Variants in KCNN2 observed in about 807,000 individuals in gnomAD.
KCNN2 encodes small conductance calcium-activated potassium channel protein 2.
A neutral mutation model predicts 55.5 loss-of-function variants in KCNN2; 24 were observed. The observed-to-expected ratio is 0.43, with a 90% CI of 0.31 to 0.61. KCNN2 has a LOEUF of 0.61. KCNN2 is among the 20% of genes least tolerant of loss of function. The probability of loss-of-function intolerance (pLI) is 0.08; values close to 1 mark genes in which losing one functional copy is unlikely to be tolerated. For missense variants in KCNN2, 754 were observed against 853.6 expected (o/e 0.88, Z 1.45); for synonymous variants, 431 against 336.1 (o/e 1.28, Z -3.09).
intron 2 of KCNN2, among the ~76,000 whole-genome samples, chr5:114,227,142 G>A (rs1475060459): frequency 6.6e-6 from 1 of 151,870 alleles, no homozygotes; most frequent in Non-Finnish European, 1.5e-5. Context: ...TATCTTACTT[G>A]GTTCACCTCT....
intron 2 of KCNN2, among the ~76,000 whole-genome samples, chr5:114,332,840 C>G (rs1756848216): frequency 6.6e-6 from 1 of 152,178 alleles, no homozygotes; most frequent in Non-Finnish European, 1.5e-5. Flanking sequence ...TAACTTTCCA[C>G]CTGCTTATTC....
chr5:114,406,858 A>G (rs1269284258), intron 3 of KCNN2, among the ~76,000 whole-genome samples: 1 of 151,946 alleles, frequency 6.6e-6, no homozygotes, highest in Non-Finnish European at 1.5e-5. Flanking sequence ...AAGGTAGTAT[A>G]TAAGAGAGAT....
At chr5:114,253,275 A>G (rs1448016580) in intron 2 of KCNN2, among the ~76,000 whole-genome samples, 1 of 151,958 alleles carries the variant, frequency 6.6e-6, no homozygotes, top group Non-Finnish European at 1.5e-5. Flanking sequence ...ATCTGAAGGG[A>G]GAGGAGGCTA....
intron 2 of KCNN2, among the ~76,000 whole-genome samples, chr5:114,304,397 C>G (rs1278690233): frequency 6.6e-6 from 1 of 152,158 alleles, no homozygotes; most frequent in Non-Finnish European, 1.5e-5. Flanking sequence ...GTGAATGTAC[C>G]ATTTTTGCAG....
chr5:114,281,607 C>T (rs536288922), intron 2 of KCNN2, among the ~76,000 whole-genome samples: 1 of 135,480 alleles, frequency 7.4e-6, no homozygotes, highest in South Asian at 2.6e-4. Context: ...CTCTCTCTCT[C>T]TCCCCGCCCC....
intron 1 of KCNN2, among the ~76,000 whole-genome samples, chr5:114,149,487 G>A (rs1752471451): frequency 2.0e-5 from 3 of 152,120 alleles, no homozygotes; most frequent in Non-Finnish European, 4.4e-5. Flanking sequence ...CTGCCTTCTG[G>A]TCCCGTGATG....
intron 3 of KCNN2, among the ~76,000 whole-genome samples, chr5:114,408,113 T>TCC (rs1758997477): frequency 6.6e-6 from 1 of 152,106 alleles, no homozygotes. Flanking sequence ...CATGTGCGGT[T>TCC]GCCTCTTGGT....
chr5:114,484,000 T>C (rs1297466479), intron 5 of KCNN2, among the ~76,000 whole-genome samples: 1 of 152,178 alleles, frequency 6.6e-6, no homozygotes, highest in East Asian at 1.9e-4. Flanking sequence ...GATGAAGCAA[T>C]AATTCATCCA....
chr5:114,409,551 A>G (rs982965172), intron 3 of KCNN2, among the ~76,000 whole-genome samples: 27 of 152,142 alleles, frequency 1.8e-4, no homozygotes, highest in Admixed American at 7.2e-4. Flanking sequence ...CATCCTCTCC[A>G]TGTAAAAAGG....
At chr5:114,230,267 C>CTT (rs11432521) in intron 2 of KCNN2, among the ~76,000 whole-genome samples, 56 of 142,116 alleles carry the variant, frequency 3.9e-4, no homozygotes, top group Middle Eastern at 3.7e-3. Flanking sequence ...TAGTGATATT[C>CTT]TTTTTTTTTT....
At chr5:114,085,687 G>T (rs185663026) in intron 1 of KCNN2, among the ~76,000 whole-genome samples, 1 of 151,812 alleles carries the variant, frequency 6.6e-6, no homozygotes, top group African/African-American at 2.4e-5. Context: ...TAAATGTTTC[G>T]AGTGCACTTG....
intron 2 of KCNN2, among the ~76,000 whole-genome samples, chr5:114,241,040 A>G (rs1754607837): frequency 6.6e-6 from 1 of 152,092 alleles, no homozygotes; most frequent in African/African-American, 2.4e-5. Flanking sequence ...TATTTGGAGT[A>G]AAAAACATTT....
At position 114,496,311 on chromosome 5, in the gene KCNN2, G is replaced by A. The variant is rs1748120487; in HGVS notation, c.*129G>A. On this transcript the variant is annotated 3_prime_UTR_variant, in exon 8 of 8. Transcript: ENST00000673685. Reference sequence around the variant, plus strand: ...TCTGATGTCAGAATCCTGGGAACCTGAACACTAAGTTTTAGGCCAAAATGA... The same window carrying A: ...TCTGATGTCAGAATCCTGGGAACCTAAACACTAAGTTTTAGGCCAAAATGA... 1 of 1,037,320 alleles carries A rather than the reference G, an allele frequency of 9.6e-7. No individual in the cohort carries two copies. The highest frequency in any genetic ancestry group is 2.6e-5 in the East Asian group (1 of 38,836). The allele number at this position is 1,037,320 out of a possible 1,614,324, so 64.3% of individuals were successfully genotyped here.
intron 3 of KCNN2, among the ~76,000 whole-genome samples, chr5:114,421,671 A>G (rs1451079895): frequency 2.6e-5 from 4 of 151,774 alleles, no homozygotes; most frequent in South Asian, 4.2e-4. Context: ...GTGCAATGGC[A>G]TGTTCTCGGC....
chr5:114,493,678 C>T (rs886847455), intron 7 of KCNN2, among the ~76,000 whole-genome samples: 9 of 152,146 alleles, frequency 5.9e-5, no homozygotes, highest in African/African-American at 1.9e-4. Flanking sequence ...CGTTATTCAG[C>T]CCCATTCTGA....
At chr5:114,193,141 G>A (rs1422118946) in intron 1 of KCNN2, among the ~76,000 whole-genome samples, 2 of 151,914 alleles carry the variant, frequency 1.3e-5, no homozygotes, top group Non-Finnish European at 2.9e-5. Flanking sequence ...TTTATCTAGC[G>A]ACCCTATTTT....
chr5:114,304,408 T>C (rs970219674), intron 2 of KCNN2, among the ~76,000 whole-genome samples: 2 of 152,172 alleles, frequency 1.3e-5, no homozygotes, highest in Non-Finnish European at 2.9e-5. Context: ...ATTTTTGCAG[T>C]GCAGTTGATT....
intron 2 of KCNN2, among the ~76,000 whole-genome samples, chr5:114,352,189 A>G (rs955741951): frequency 2.6e-5 from 4 of 151,698 alleles, no homozygotes; most frequent in African/African-American, 9.7e-5. Context: ...TATTTAAGTC[A>G]TCAATTTGTT....
At chr5:114,066,896 A>G (rs893096651) in intron 1 of KCNN2, among the ~76,000 whole-genome samples, 4 of 152,108 alleles carry the variant, frequency 2.6e-5, no homozygotes, top group African/African-American at 9.7e-5. Flanking sequence ...AAGTTTTGAG[A>G]TCTCACATGA....
Sources: gnomAD v4.1 joint callset for allele counts (sites outside exome capture counted in the v4.1 genomes callset) on GRCh38, gnomAD v4.1.1 for gene constraint, MANE v1.5 for transcripts, NCBI Gene and HGNC (gene_info 2026-07-23, HGNC 2026-07-21) for gene names.